The following CSNK2A2IP variants were observed in gnomAD, a reference collection of about 807,000 sequenced individuals.
The protein encoded by CSNK2A2IP is casein kinase 2 subunit alpha' interacting protein, also known as casein kinase II subunit alpha'-interacting protein.
At chr3:88,350,369 A>G in the CSNK2A2IP span, among the ~76,000 whole-genome samples, 2 of 152,252 alleles carry the variant, frequency 1.3e-5, no homozygotes, top group East Asian at 3.9e-4. Context: ...CTTGTGAAGG[A>G]AAGCTTTTTT....
chr3:88,412,338 C>T, the CSNK2A2IP span, among the ~76,000 whole-genome samples: 1 of 151,960 alleles, frequency 6.6e-6, no homozygotes, highest in South Asian at 2.1e-4. Context: ...AGGCCTTCTA[C>T]TAAATTCTCT....
chr3:88,364,969 G>T, the CSNK2A2IP span, among the ~76,000 whole-genome samples: 2 of 152,238 alleles, frequency 1.3e-5, no homozygotes, highest in South Asian at 4.1e-4. Flanking sequence ...AACAAATTTA[G>T]TATGCAGTTA....
chr3:88,356,426 T>C, the CSNK2A2IP span, among the ~76,000 whole-genome samples: 1 of 152,126 alleles, frequency 6.6e-6, no homozygotes, highest in Non-Finnish European at 1.5e-5. Flanking sequence ...CAAATGACAG[T>C]ATTTCATTCT....
the CSNK2A2IP span, among the ~76,000 whole-genome samples, chr3:88,414,738 T>C: frequency 1.3e-5 from 2 of 151,926 alleles, no homozygotes; most frequent in Non-Finnish European, 2.9e-5. Flanking sequence ...GCAAAATTAA[T>C]AGGATTAAAT....
the CSNK2A2IP span, among the ~76,000 whole-genome samples, chr3:88,446,008 CTTTCT>C: frequency 7.1e-6 from 1 of 139,922 alleles, no homozygotes; most frequent in African/African-American, 2.7e-5. Context: ...TTTCTCCTTT[CTTTCT>C]TTTCTTTCTT....
chr3:88,364,054 G>C, the CSNK2A2IP span, among the ~76,000 whole-genome samples: 2 of 152,068 alleles, frequency 1.3e-5, no homozygotes, highest in African/African-American at 2.4e-5. Context: ...CAGTCTAGTA[G>C]CCTGTCTTCC....
At chr3:88,388,634 G>T in the CSNK2A2IP span, among the ~76,000 whole-genome samples, 2 of 152,200 alleles carry the variant, frequency 1.3e-5, no homozygotes, top group Non-Finnish European at 2.9e-5. Flanking sequence ...TTTATTAACA[G>T]TAGTCAGATA....
the CSNK2A2IP span, among the ~76,000 whole-genome samples, chr3:88,393,846 G>C: frequency 6.6e-6 from 1 of 152,172 alleles, no homozygotes; most frequent in African/African-American, 2.4e-5. Context: ...AAGGTTATTA[G>C]TGAATAAGAA....
the CSNK2A2IP span, among the ~76,000 whole-genome samples, chr3:88,446,042 CT>C: frequency 2.5e-5 from 1 of 40,054 alleles, no homozygotes; most frequent in Admixed American, 2.2e-4. Context: ...TTCTTTCTTT[CT>C]TTCTTTCTTT....
At chr3:88,338,522 G>C in the CSNK2A2IP span, 4 of 152,024 alleles carry the variant, frequency 2.6e-5, no homozygotes, top group African/African-American at 9.7e-5. Flanking sequence ...ATCAAGGATC[G>C]AGGCAATGGG....
the CSNK2A2IP span, among the ~76,000 whole-genome samples, chr3:88,438,053 C>T: frequency 3.9e-5 from 6 of 152,092 alleles, no homozygotes; most frequent in African/African-American, 9.7e-5. Context: ...TTTGCAAATT[C>T]GTGTTCTTAT....
chr3:88,359,492 G>A, the CSNK2A2IP span, among the ~76,000 whole-genome samples: 4 of 151,648 alleles, frequency 2.6e-5, no homozygotes, highest in East Asian at 7.7e-4. Flanking sequence ...ATTTTTTAAT[G>A]TAGGCATTTA....
the CSNK2A2IP span, among the ~76,000 whole-genome samples, chr3:88,451,070 A>G: frequency 6.6e-6 from 1 of 152,240 alleles, no homozygotes; most frequent in Non-Finnish European, 1.5e-5. Flanking sequence ...TGTTATATCA[A>G]AGAAGGTTTT....
chr3:88,420,190 T>C, the CSNK2A2IP span, among the ~76,000 whole-genome samples: 2 of 152,318 alleles, frequency 1.3e-5, no homozygotes, highest in East Asian at 3.9e-4. Context: ...AATCTTATAC[T>C]TGGCAGGCTT....
chr3:88,404,088 C>A, the CSNK2A2IP span, among the ~76,000 whole-genome samples: 1 of 150,982 alleles, frequency 6.6e-6, no homozygotes, highest in South Asian at 2.1e-4. Context: ...TAGCTAGAAA[C>A]AAGCAACAGC....
the CSNK2A2IP span, among the ~76,000 whole-genome samples, chr3:88,369,956 G>A: frequency 1.3e-5 from 2 of 151,834 alleles, no homozygotes; most frequent in South Asian, 2.1e-4. Context: ...CAGACAAGGC[G>A]GAGGCCACCA....
the CSNK2A2IP span, among the ~76,000 whole-genome samples, chr3:88,363,037 C>T: frequency 6.6e-6 from 1 of 152,216 alleles, no homozygotes; most frequent in African/African-American, 2.4e-5. Context: ...TCCATTTTGA[C>T]AGGGTGGCAA....
chr3:88,415,785 C>T, the CSNK2A2IP span, among the ~76,000 whole-genome samples: 1 of 151,932 alleles, frequency 6.6e-6, no homozygotes, highest in African/African-American at 2.4e-5. Flanking sequence ...GCCCTAAAGC[C>T]AGATTCTGGA....
At chr3:88,427,631 C>A in the CSNK2A2IP span, among the ~76,000 whole-genome samples, 1 of 152,124 alleles carries the variant, frequency 6.6e-6, no homozygotes, top group Admixed American at 6.5e-5. Flanking sequence ...CAAAAGGGGC[C>A]AATGTACAGC....
Sources: allele counts gnomAD v4.1 joint callset (sites outside exome capture counted in the v4.1 genomes callset), GRCh38; gene constraint gnomAD v4.1.1; transcripts MANE v1.5; gene names NCBI Gene and HGNC (gene_info 2026-07-23, HGNC 2026-07-21).